DDIAS: variants seen among roughly 807,000 people sequenced by gnomAD.
DDIAS encodes DNA damage-induced apoptosis suppressor protein.
DDIAS carries 14 observed loss-of-function variants against 15.7 expected under a neutral mutation model. The observed-to-expected ratio is 0.89, with a 90% confidence interval of 0.59 to 1.39. DDIAS has a LOEUF of 1.39. Ranked by LOEUF, DDIAS falls within the 40% of genes most tolerant of loss-of-function variation. The probability of loss-of-function intolerance (pLI) is 0.00; values close to 1 mark genes in which losing one functional copy is unlikely to be tolerated. For synonymous variants in DDIAS, 355 were observed against 395.9 expected (o/e 0.90, Z 1.23); for missense variants, 1,035 against 1,130.9 (o/e 0.92, Z 1.22).
chr11:82,933,935 C>T lies in DDIAS; in HGVS notation c.2597C>T (p.Pro866Leu). 2 of 1,612,976 alleles carry T rather than the reference C, an allele frequency of 1.2e-6. No individual in the cohort carries two copies. Among genetic ancestry groups the T allele is most frequent in the Non-Finnish European group, 1.7e-6 (2 of 1,179,746 alleles). Residue 866 changes from proline (P) to leucine (L), a missense_variant, in exon 6 of 6, where the codon CCT becomes CTT. Pro to Leu is a moderately conservative substitution (Grantham distance 98, BLOSUM62 -3). Transcript: ENST00000533655. Reference sequence around the variant, plus strand: ...GAAACTGATAGTGATGAATGGGTCCCTCCTACCACACAAAAAATATTTCCT... The same window carrying T: ...GAAACTGATAGTGATGAATGGGTCCTTCCTACCACACAAAAAATATTTCCT... ...CHETDSDEWV[P>L]PTTQKIFPSD...
chr11:82,925,440 A>C (rs755325154), intron 3 of DDIAS, among the ~76,000 whole-genome samples: 1 of 152,060 alleles, frequency 6.6e-6, no homozygotes, highest in Non-Finnish European at 1.5e-5. Flanking sequence ...TCTACAAAAA[A>C]ATTTAAAATT....
intron 3 of DDIAS, among the ~76,000 whole-genome samples, chr11:82,927,673 CCTAA>C (rs1484498596): frequency 2.0e-5 from 3 of 152,090 alleles, no homozygotes; most frequent in African/African-American, 4.8e-5. Context: ...ATAAAGTTAA[CCTAA>C]CTGAGGGGTG....
intron 2 of DDIAS, chr11:82,914,236 C>G (rs959967723): frequency 4.8e-6 from 1 of 208,260 alleles, no homozygotes; most frequent in African/African-American, 2.4e-5. Flanking sequence ...CGCCCGGCCA[C>G]AATACTTTTA....
Position 82,934,223 on chromosome 11 carries a change from T to C in DDIAS, c.2885T>C (p.Ile962Thr). 1 of 1,614,138 alleles carries C rather than the reference T, an allele frequency of 6.2e-7. No individual in the cohort carries two copies. The highest frequency in any genetic ancestry group is 8.5e-7 in the Non-Finnish European group (1 of 1,180,008). The change falls in exon 6 of 6, where the codon ATT becomes ACT. Residue 962 changes from isoleucine to threonine, a missense_variant. Physicochemically the swap from Ile to Thr is moderately conservative, Grantham distance 89. Coordinates refer to ENST00000533655, the MANE Select transcript of DDIAS (RefSeq NM_145018.4). ...TTAGCAGCACCTCAGCTGCACCCTA[T>C]TCTTGGACCTGATTCTTGTTCAGAA... ...QVLAAPQLHP[I>T]LGPDSCSEVK...
chr11:82,918,282 A>C (rs1860670999), intron 3 of DDIAS, among the ~76,000 whole-genome samples: 1 of 151,980 alleles, frequency 6.6e-6, no homozygotes, highest in African/African-American at 2.4e-5. Flanking sequence ...GCTTTTATAT[A>C]AGATTCATTC....
chr11:82,904,962 T>G (rs1860397241), intron 1 of DDIAS, among the ~76,000 whole-genome samples: 1 of 152,238 alleles, frequency 6.6e-6, no homozygotes, highest in South Asian at 2.1e-4. Context: ...GCTTCTGATA[T>G]GTCCCTTCCC....
intron 3 of DDIAS, among the ~76,000 whole-genome samples, chr11:82,922,959 C>T (rs2121347240): frequency 6.6e-6 from 1 of 152,246 alleles, no homozygotes; most frequent in South Asian, 2.1e-4. Context: ...TGTTATCTCT[C>T]TTCTGGGTCT....
Position 82,934,395 on chromosome 11 carries a change from G to A in DDIAS, c.*60G>A. The A allele has an allele frequency of 1.4e-6, 2 of 1,468,530 alleles. No individual in the cohort carries two copies. 91.0% of individuals were successfully genotyped at this position (1,468,530 alleles called of 1,614,324 possible). ...TCTGTTTGGAAATGTTTGCCTTCAG[G>A]GGTACGGAAAGCATTCTTTACATTT... On this transcript the variant is annotated 3_prime_UTR_variant, in exon 6 of 6. Transcript: ENST00000533655.
rs1861024925 is a variant in DDIAS at position 82,932,731 on chromosome 11, C to T, written c.1393C>T (p.Pro465Ser). Residue 465 changes from proline (P) to serine (S), a missense_variant, in exon 6 of 6, where the codon CCC becomes TCC. By Grantham distance (74) the Pro-to-Ser change is moderately conservative. Transcript: ENST00000533655. ...AGACCACAGCAGGTTATCTGTGACT[C>T]CCCAGAGAACTACTGGAGCCCTGCA... Reference protein sequence around the residue: ...HADHSRLSVTPQRTTGALHTP... With the variant: ...HADHSRLSVTSQRTTGALHTP... 8 of 1,613,980 alleles carry T rather than the reference C, an allele frequency of 5.0e-6. No homozygotes were observed. The highest frequency in any genetic ancestry group is 6.8e-6 in the Non-Finnish European group (8 of 1,180,012).
At chr11:82,931,644 C>A in intron 5 of DDIAS, 88 bp from the exon 6 acceptor site, 1 of 1,196,078 alleles carries the variant, frequency 8.4e-7, no homozygotes, top group Non-Finnish European at 1.2e-6. Flanking sequence ...CAGGCATGAG[C>A]CACTGTGCCT....
At chr11:82,922,044 C>G (rs1409349542) in intron 3 of DDIAS, among the ~76,000 whole-genome samples, 1 of 152,098 alleles carries the variant, frequency 6.6e-6, no homozygotes, top group Non-Finnish European at 1.5e-5. Context: ...GGCCCTAATC[C>G]CTTCTAGCTT....
At chr11:82,917,173 T>C (rs554455167) in intron 3 of DDIAS, among the ~76,000 whole-genome samples, 2 of 152,216 alleles carry the variant, frequency 1.3e-5, no homozygotes, top group African/African-American at 4.8e-5. Flanking sequence ...CCATAGGTTA[T>C]TGGGGTACAG....
intron 3 of DDIAS, among the ~76,000 whole-genome samples, chr11:82,922,044 C>T (rs1409349542): frequency 6.6e-6 from 1 of 152,098 alleles, no homozygotes; most frequent in East Asian, 1.9e-4. Flanking sequence ...GGCCCTAATC[C>T]CTTCTAGCTT....
At chr11:82,926,147 T>C (rs1222627122) in intron 3 of DDIAS, among the ~76,000 whole-genome samples, 2 of 150,878 alleles carry the variant, frequency 1.3e-5, no homozygotes, top group Non-Finnish European at 2.9e-5. Context: ...TGGAGTTCAA[T>C]GGCACAATCT....
chr11:82,915,826 T>A (rs1251458786), intron 3 of DDIAS, among the ~76,000 whole-genome samples: 1 of 152,206 alleles, frequency 6.6e-6, no homozygotes, highest in African/African-American at 2.4e-5. Context: ...CTAAAACCCA[T>A]GGGCTATTTG....
rs149655535 is a variant in DDIAS, at chr11:82,914,846, C to T, written c.108C>T (p.Ser36=). ...GCTTCTCTAGGATAATCCTGGTCTC[C>T]AAAAGGTAAAAGTAAAGTCTGTAAG... ...QKCFSRIILV[S]KRSNCPKCGS... is the part of the protein sequence containing the mutation. Residue 36 remains serine (S), a synonymous_variant, in exon 3 of 6, where the codon TCC becomes TCT. Coordinates refer to ENST00000533655, the MANE Select transcript of DDIAS (RefSeq NM_145018.4). The T allele has an allele frequency of 6.4e-7, 1 of 1,565,478 alleles. No individual in the cohort carries two copies. The highest frequency in any genetic ancestry group is 2.3e-5 in the East Asian group (1 of 44,276).
Position 82,934,100 on chromosome 11 carries a change from TAAAG to T in DDIAS, c.2765_2768del (p.Lys922IlefsTer32). 5.0e-6 allele frequency: 8 copies of T among 1,608,940 alleles called. No individual in the cohort carries two copies. Among genetic ancestry groups the T allele is most frequent in the Non-Finnish European group, 6.8e-6 (8 of 1,178,680 alleles). ...AATAAAGGTTTAATTAAGAAGAAAT[TAAAG>T]AATATGCTTGCAGCAGTTGTTACGA... is the stretch of plus-strand genomic sequence containing the variant. On this transcript the variant is annotated frameshift_variant, in exon 6 of 6. Coordinates refer to ENST00000533655, the MANE Select transcript of DDIAS (RefSeq NM_145018.4). LOFTEE classifies it low-confidence loss of function (END_TRUNC).
intron 1 of DDIAS, among the ~76,000 whole-genome samples, chr11:82,904,003 T>C (rs1257960929): frequency 6.6e-6 from 1 of 152,228 alleles, no homozygotes; most frequent in Non-Finnish European, 1.5e-5. Context: ...AGTGTGAAGC[T>C]TGAGCAAAGA....
In DDIAS at chr11:82,930,165, A is replaced by T; in HGVS notation, c.284A>T (p.Gln95Leu). Reference sequence around the variant, plus strand: ...CTTTTTTTCCAATCAAGGTACATTCAGGATCCTAATAAAATTCCAGAAACA... The same window carrying T: ...CTTTTTTTCCAATCAAGGTACATTCTGGATCCTAATAAAATTCCAGAAACA... ...LTATGLHRYI[Q>L]DPNKIPETLD... Residue 95 changes from glutamine (Q) to leucine (L), a missense_variant, in exon 5 of 6, where the codon CAG becomes CTG. Gln to Leu is a moderately radical substitution (Grantham distance 113). Coordinates refer to ENST00000533655, the MANE Select transcript of DDIAS (RefSeq NM_145018.4). 1 of 1,558,598 alleles carries T rather than the reference A, an allele frequency of 6.4e-7. No homozygotes were observed. The highest frequency in any genetic ancestry group is 1.4e-5 in the African/African-American group (1 of 73,042).
Sources: allele counts gnomAD v4.1 joint callset (sites outside exome capture counted in the v4.1 genomes callset), GRCh38; gene constraint gnomAD v4.1.1; transcripts MANE v1.5; gene names NCBI Gene and HGNC (gene_info 2026-07-23, HGNC 2026-07-21).